SERPINA6: variants seen among roughly 807,000 people sequenced by gnomAD.
The protein encoded by SERPINA6 is serpin family A member 6, also known as corticosteroid-binding globulin.
SERPINA6 carries 19 observed loss-of-function variants against 26.4 expected under a neutral mutation model. That is an observed-to-expected ratio of 0.72 (90% CI 0.50 to 1.06). The LOEUF (loss-of-function observed/expected upper bound fraction) is 1.06. Ranked by LOEUF, SERPINA6 falls within the 50% of genes least tolerant of loss-of-function variation. The pLI, the probability that SERPINA6 is intolerant of heterozygous loss-of-function variation, is 0.00. For synonymous variants in SERPINA6, 196 were observed against 199.4 expected (o/e 0.98, Z 0.14); for missense variants, 473 against 504.0 (o/e 0.94, Z 0.59).
intron 1 of SERPINA6, among the ~76,000 whole-genome samples, chr14:94,317,485 C>T (rs139374322): frequency 2.1e-3 from 320 of 152,250 alleles, no homozygotes; most frequent in African/African-American, 7.3e-3. Context: ...CTCTCCTGAT[C>T]CGATGTGGTA....
rs1466003169 is a variant in SERPINA6 at position 94,304,956 on chromosome 14, A to G, written c.1033-353T>C. ...TGCTCCCTTTCCACTCTGCTGGGTA[A>G]ATGCTAGGGTTCAAGTTATGCAAAG... On this transcript the variant is annotated intron_variant, in intron 4 of 4. Coordinates refer to ENST00000341584, the MANE Select transcript of SERPINA6 (RefSeq NM_001756.4). Among the ~76,000 whole-genome samples the G allele has an allele frequency of 2.0e-5, 3 of 152,152 alleles. No homozygotes were observed. In the East Asian group the frequency reaches 5.8e-4, roughly 29 times the overall value.
At chr14:94,317,459 G>C (rs1025210605) in intron 1 of SERPINA6, among the ~76,000 whole-genome samples, 1 of 152,220 alleles carries the variant, frequency 6.6e-6, no homozygotes, top group Non-Finnish European at 1.5e-5. Flanking sequence ...TTGCAGCGGG[G>C]AGGAGCTTGG....
chr14:94,316,772 A>G (rs1245544595), intron 1 of SERPINA6, among the ~76,000 whole-genome samples: 3 of 152,232 alleles, frequency 2.0e-5, no homozygotes, highest in East Asian at 1.9e-4. Flanking sequence ...GCTGAATGGA[A>G]CAAAGAGGTA....
rs544786628 is a variant in SERPINA6, at chr14:94,311,498, A to T, written c.614-1492T>A. ...TGGGGTTCAGCCTCTACTTTAAGGGATCTATTCTCAAAAAGTTCTAGGAGA... is the reference window on the plus strand; with the variant it reads ...TGGGGTTCAGCCTCTACTTTAAGGGTTCTATTCTCAAAAAGTTCTAGGAGA... On this transcript the variant is annotated intron_variant, in intron 2 of 4. Coordinates refer to ENST00000341584, the MANE Select transcript of SERPINA6 (RefSeq NM_001756.4). Among the ~76,000 whole-genome samples, 446 of 152,264 alleles carry T rather than the reference A, an allele frequency of 2.9e-3. 4 individuals are homozygous for T. The highest frequency in any genetic ancestry group is 3.5e-3 in the Non-Finnish European group (241 of 68,024).
rs1345763259 is a variant in SERPINA6 at position 94,304,394 on chromosome 14, CT to C, written c.*23del. Reference sequence around the variant, plus strand: ...CCCTGGTTCCCAAAGTCAGACAGTGCTGAGGCTCTGGGTGGGTGGTCTCTTA... The same window carrying C: ...CCCTGGTTCCCAAAGTCAGACAGTGCGAGGCTCTGGGTGGGTGGTCTCTTA... On this transcript the variant is annotated 3_prime_UTR_variant, in exon 5 of 5. Coordinates refer to ENST00000341584, the MANE Select transcript of SERPINA6 (RefSeq NM_001756.4). The C allele has an allele frequency of 1.2e-6, 2 of 1,612,106 alleles. No individual in the cohort carries two copies. The highest frequency in any genetic ancestry group is 2.2e-5 in the South Asian group (2 of 91,008).
At chr14:94,319,531 C>G (rs1034116205) in intron 1 of SERPINA6, among the ~76,000 whole-genome samples, 8 of 152,212 alleles carry the variant, frequency 5.3e-5, no homozygotes, top group African/African-American at 1.9e-4. Context: ...CAGCATTATT[C>G]ACCATAGCCA....
At chr14:94,306,456 C>A (rs2139714728) in intron 3 of SERPINA6, among the ~76,000 whole-genome samples, 1 of 152,348 alleles carries the variant, frequency 6.6e-6, no homozygotes. Context: ...ACATTCTTTT[C>A]TTCTCTGCAA....
intron 1 of SERPINA6, among the ~76,000 whole-genome samples, chr14:94,322,686 C>A (rs553825934): frequency 5.3e-5 from 8 of 152,336 alleles, no homozygotes; most frequent in East Asian, 1.9e-4. Flanking sequence ...ATGAGCCAGG[C>A]ACAGTTCTTG....
intron 2 of SERPINA6, among the ~76,000 whole-genome samples, chr14:94,313,414 G>T (rs899727900): frequency 1.3e-5 from 2 of 152,234 alleles, no homozygotes; most frequent in Admixed American, 6.5e-5. Context: ...AATCCTGAGG[G>T]TTCTTGTAAG....
intron 3 of SERPINA6, 43 bp from the exon 4 acceptor site, chr14:94,306,261 G>C: frequency 6.2e-7 from 1 of 1,608,188 alleles, no homozygotes; most frequent in Non-Finnish European, 8.5e-7. Flanking sequence ...CCAGGGCTGG[G>C]CCTGGCAGAG....
At chr14:94,304,929 C>A (rs1041029267) in intron 4 of SERPINA6, among the ~76,000 whole-genome samples, 1 of 152,188 alleles carries the variant, frequency 6.6e-6, no homozygotes, top group Admixed American at 6.5e-5. Context: ...GGAGGGAGAT[C>A]TTGCTCCCTT....
chr14:94,314,583 G>A lies in SERPINA6; in HGVS notation c.66C>T (p.Ala22=). 6.2e-7 allele frequency: 1 copy of A among 1,614,212 alleles called. No homozygotes were observed. Among genetic ancestry groups the A allele is most frequent in the Non-Finnish European group, 8.5e-7 (1 of 1,180,036 alleles). ...TCACATAAGCAGCGTTAGGATCCAT[G>A]GCCTGGACGGTCCAGAGGCCGCTGG... The part of the protein sequence containing the change: ...LPTSGLWTVQ[A]MDPNAAYVNM... The change falls in exon 2 of 5, where the codon GCC becomes GCT. Residue 22 remains alanine, a synonymous_variant. Coordinates refer to ENST00000341584, the MANE Select transcript of SERPINA6 (RefSeq NM_001756.4).
At position 94,304,620 on chromosome 14, in the gene SERPINA6, G is replaced by A; in HGVS notation, c.1033-17C>T. On this transcript the variant is annotated splice_polypyrimidine_tract_variant and intron_variant, in intron 4 of 4. Coordinates refer to ENST00000341584, the MANE Select transcript of SERPINA6 (RefSeq NM_001756.4). ...ATGGACCACCTGTTAGGTACAGAAT[G>A]AAGATGGGTAGTGAGACCTGCTGTG... The A allele has an allele frequency of 6.2e-7, 1 of 1,610,062 alleles. No individual in the cohort carries two copies. Among genetic ancestry groups the A allele is most frequent in the Non-Finnish European group, 8.5e-7 (1 of 1,176,472 alleles).
At chr14:94,313,339 C>G (rs1895558987) in intron 2 of SERPINA6, among the ~76,000 whole-genome samples, 1 of 152,214 alleles carries the variant, frequency 6.6e-6, no homozygotes, top group African/African-American at 2.4e-5. Flanking sequence ...ATCATAATTG[C>G]TAATCGGCTG....
At chr14:94,306,398 C>T (rs1039347982) in intron 3 of SERPINA6, among the ~76,000 whole-genome samples, 180 bp from the exon 4 acceptor site, 1 of 152,224 alleles carries the variant, frequency 6.6e-6, no homozygotes, top group Non-Finnish European at 1.5e-5. Flanking sequence ...CAGGATCTGT[C>T]TCTGCCTCCA....
chr14:94,310,653 A>G (rs1450331339), intron 2 of SERPINA6, among the ~76,000 whole-genome samples: 1 of 152,022 alleles, frequency 6.6e-6, no homozygotes, highest in Non-Finnish European at 1.5e-5. Context: ...ACTTGGCGGT[A>G]CTCGTCAGCT....
In SERPINA6 at chr14:94,306,286, T is replaced by C. The variant is rs568842136; in HGVS notation, c.885-68A>G. On this transcript the variant is annotated intron_variant, in intron 3 of 4. Coordinates refer to ENST00000341584, the MANE Select transcript of SERPINA6 (RefSeq NM_001756.4). Reference sequence around the variant, plus strand: ...GCCTGGCAGAGGGGAGAGCAGCACCTCTTCTCCTGGCCAGACTCTTATTTC... The same window carrying C: ...GCCTGGCAGAGGGGAGAGCAGCACCCCTTCTCCTGGCCAGACTCTTATTTC... The C allele has an allele frequency of 2.7e-5, 42 of 1,547,192 alleles. No homozygotes were observed. The African/African-American group carries it at 5.2e-4, about 19-fold the overall frequency.
rs796593451 is a variant in SERPINA6, at chr14:94,323,288, G to C, written c.-41C>G. On this transcript the variant is annotated 5_prime_UTR_variant, in exon 1 of 5. Coordinates refer to ENST00000341584, the MANE Select transcript of SERPINA6 (RefSeq NM_001756.4). ...TCACAGTCTGCGGTGGGCTCAGGCT[G>C]TTTCTGCTGGCTTGGTCCTGCTGTC... The C allele has an allele frequency of 2.6e-5, 4 of 152,470 alleles. No individual in the cohort carries two copies. Among genetic ancestry groups the C allele is most frequent in the African/African-American group, 4.8e-5 (2 of 41,574 alleles). The allele number at this position is 152,470 out of a possible 1,614,324, so 9.4% of individuals were successfully genotyped here.
chr14:94,313,831 T>C (rs1026236522), intron 2 of SERPINA6: 5 of 727,566 alleles, frequency 6.9e-6, no homozygotes, highest in Non-Finnish European at 9.8e-6. Context: ...AGGCACATTG[T>C]TCAACCCTTC....
Sources: gnomAD v4.1 joint callset for allele counts (sites outside exome capture counted in the v4.1 genomes callset) on GRCh38, gnomAD v4.1.1 for gene constraint, MANE v1.5 for transcripts, NCBI Gene and HGNC (gene_info 2026-07-23, HGNC 2026-07-21) for gene names.